Variants in NUP155 observed in about 807,000 individuals in gnomAD.
The protein encoded by NUP155 is nucleoporin 155.
A neutral mutation model predicts 180.4 loss-of-function variants in NUP155; 71 were observed. The ratio of observed to expected loss-of-function variants is 0.39; its 90% confidence interval spans 0.33 to 0.48. The LOEUF is 0.48. NUP155 is among the 20% of genes least tolerant of loss of function. The pLI, the probability that NUP155 is intolerant of heterozygous loss-of-function variation, is 0.91. For missense variants in NUP155, 1,553 were observed against 1,648.9 expected (o/e 0.94, Z 1.01); for synonymous variants, 582 against 559.5 (o/e 1.04, Z -0.57).
At chr5:37,363,521 A>G (rs570883130) in intron 3 of NUP155, among the ~76,000 whole-genome samples, 1 of 152,294 alleles carries the variant, frequency 6.6e-6, no homozygotes, top group East Asian at 1.9e-4. Context: ...TCACATGCCT[A>G]CTCCATAGAA....
intron 34 of NUP155, 139 bp from the exon 35 acceptor site, chr5:37,292,177 T>A: frequency 1.2e-6 from 1 of 825,018 alleles, no homozygotes; most frequent in Non-Finnish European, 1.9e-6. Flanking sequence ...AGAAATAAAG[T>A]AAAAAAGAAA....
At chr5:37,333,180 C>T (rs777614161) in intron 13 of NUP155, among the ~76,000 whole-genome samples, 1 of 150,846 alleles carries the variant, frequency 6.6e-6, no homozygotes, top group Non-Finnish European at 1.5e-5. Context: ...CATGGTGAAA[C>T]CCCATCTCTA....
At chr5:37,338,559 C>T (rs1745504275) in intron 11 of NUP155, among the ~76,000 whole-genome samples, 1 of 151,734 alleles carries the variant, frequency 6.6e-6, no homozygotes. Flanking sequence ...GCACCTGCCA[C>T]CACGCCCGAC....
At chr5:37,328,968 T>A (rs1744782418) in intron 16 of NUP155, among the ~76,000 whole-genome samples, 1 of 152,208 alleles carries the variant, frequency 6.6e-6, no homozygotes, top group South Asian at 2.1e-4. Flanking sequence ...ATATACCAAA[T>A]GAGTTATGTA....
intron 23 of NUP155, among the ~76,000 whole-genome samples, chr5:37,310,218 G>T (rs1358735051): frequency 6.6e-6 from 1 of 152,046 alleles, no homozygotes; most frequent in Non-Finnish European, 1.5e-5. Flanking sequence ...CACACCCGTA[G>T]CCCCTAGCTA....
chr5:37,350,300 G>A (rs1273779302), intron 6 of NUP155, 35 bp from the exon 7 acceptor site: 3 of 1,365,592 alleles, frequency 2.2e-6, no homozygotes, highest in Non-Finnish European at 3.1e-6. Flanking sequence ...ACTTATAAAA[G>A]TATGTAACTC....
chr5:37,326,357 AACC>A (rs927626833), intron 18 of NUP155, among the ~76,000 whole-genome samples: 3 of 152,192 alleles, frequency 2.0e-5, no homozygotes, highest in Non-Finnish European at 4.4e-5. Context: ...TTGCAAAAAC[AACC>A]ACATTTCTTT....
intron 27 of NUP155, among the ~76,000 whole-genome samples, chr5:37,304,417 G>C (rs559790418): frequency 2.0e-4 from 30 of 152,020 alleles, no homozygotes; most frequent in South Asian, 8.3e-4. Flanking sequence ...TGAAACTTAG[G>C]GTAGGTAAAA....
At chr5:37,365,738 A>AATATATATATAT (rs1561818768) in intron 1 of NUP155, among the ~76,000 whole-genome samples, 1 of 37,132 alleles carries the variant, frequency 2.7e-5, no homozygotes, top group East Asian at 9.0e-4. Flanking sequence ...AAAAAAAAAA[A>AATATATATATAT]ATATATATAT....
chr5:37,310,644 T>G lies in NUP155; in HGVS notation c.2536A>C (p.Ile846Leu). ...CCATCAACAGCGGCATTATCTCTGA[T>G]GTAGCAGTTGATAAGAGAAGCAATT... ...ALIASLINCY[I>L]RDNAAVDGIS... The change falls in exon 23 of 35, where the codon ATC becomes CTC. Residue 846 changes from isoleucine to leucine, a missense_variant. By Grantham distance (5) the Ile-to-Leu change is conservative. Transcript: ENST00000231498. 1.2e-6 allele frequency: 2 copies of G among 1,613,806 alleles called. No individual in the cohort carries two copies. Among genetic ancestry groups the G allele is most frequent in the African/African-American group, 1.3e-5 (1 of 75,054 alleles).
intron 22 of NUP155, among the ~76,000 whole-genome samples, chr5:37,311,864 TA>T (rs1200119266): frequency 6.6e-6 from 1 of 151,924 alleles, no homozygotes; most frequent in Non-Finnish European, 1.5e-5. Flanking sequence ...TTACTAAAAC[TA>T]CAAAAATCAG....
chr5:37,346,989 A>G (rs1746133954), intron 9 of NUP155, among the ~76,000 whole-genome samples: 1 of 152,176 alleles, frequency 6.6e-6, no homozygotes, highest in Non-Finnish European at 1.5e-5. Context: ...GCACTTTGGG[A>G]GGCCAGAGCG....
At chr5:37,366,901 C>T (rs555216872) in intron 1 of NUP155, among the ~76,000 whole-genome samples, 3 of 152,186 alleles carry the variant, frequency 2.0e-5, no homozygotes, top group East Asian at 3.9e-4. Flanking sequence ...CTGCCCGCTT[C>T]GGCCTCCCAA....
intron 23 of NUP155, 36 bp from the exon 24 acceptor site, chr5:37,309,303 A>C: frequency 6.4e-7 from 1 of 1,572,710 alleles, no homozygotes. Flanking sequence ...AAAAATATAT[A>C]AAATCAAGCA....
chr5:37,298,823 C>G, intron 32 of NUP155, 45 bp downstream of exon 32: 1 of 993,514 alleles, frequency 1.0e-6, no homozygotes, highest in Non-Finnish European at 1.6e-6. Context: ...CGGAGAAAAC[C>G]ATCAGAACAG....
At position 37,298,738 on chromosome 5, in the gene NUP155, C is replaced by G. The variant is rs1742711668; in HGVS notation, c.3793+130G>C. ...TTCTTTGGAAGTCTTTCCGGAGAGG[C>G]AGAATTAAAGTGCTGAACTAAATAG... On this transcript the variant is annotated intron_variant, in intron 32 of 34. Coordinates refer to ENST00000231498, the MANE Select transcript of NUP155 (RefSeq NM_153485.3). The G allele has an allele frequency of 2.5e-5, 17 of 670,706 alleles. No homozygotes were observed. The South Asian group carries it at 2.7e-4, about 10-fold the overall frequency. 41.5% of individuals were successfully genotyped at this position (670,706 alleles called of 1,614,324 possible). A position where few individuals can be genotyped will look rare whatever the true frequency, so the allele number is the denominator to read the frequency against.
At chr5:37,306,609 G>A (rs1394836722) in intron 25 of NUP155, among the ~76,000 whole-genome samples, 3 of 151,616 alleles carry the variant, frequency 2.0e-5, no homozygotes, top group African/African-American at 7.3e-5. Context: ...CTGGGATTAC[G>A]GGTGTGCACC....
chr5:37,337,851 A>C lies in NUP155; in HGVS notation c.1314T>G (p.Thr438=). 1 of 1,612,362 alleles carries C rather than the reference A, an allele frequency of 6.2e-7. No individual in the cohort carries two copies. The highest frequency in any genetic ancestry group is 8.5e-7 in the Non-Finnish European group (1 of 1,178,834). The stretch of plus-strand genomic sequence containing the variant: ...CCATCATTGGCTTTTGGAAAGGAAA[A>C]GTATCATGGTTGACACACCATAAAA... ...NDILWCVNHD[T]FPFQKPMMET... Residue 438 remains threonine, a synonymous_variant, in exon 12 of 35, where the codon ACT becomes ACG. Coordinates refer to ENST00000231498, the MANE Select transcript of NUP155 (RefSeq NM_153485.3).
chr5:37,351,616 T>C (rs546068568), intron 5 of NUP155, among the ~76,000 whole-genome samples: 75 of 151,762 alleles, frequency 4.9e-4, no homozygotes, highest in African/African-American at 1.6e-3. Context: ...CCAGCTAATT[T>C]TTTTTTGTAT....
Sources: allele counts gnomAD v4.1 joint callset (sites outside exome capture counted in the v4.1 genomes callset), GRCh38; gene constraint gnomAD v4.1.1; transcripts MANE v1.5; gene names NCBI Gene and HGNC (gene_info 2026-07-23, HGNC 2026-07-21).